Variants in STAB2 observed in about 807,000 individuals in gnomAD.
STAB2 encodes stabilin-2.
A neutral mutation model predicts 338.1 loss-of-function variants in STAB2; 288 were observed. The observed-to-expected ratio is 0.85, with a 90% CI of 0.77 to 0.94. The LOEUF (loss-of-function observed/expected upper bound fraction) is 0.94. Among genes scored for constraint, STAB2 ranks in the 40% least tolerant of loss-of-function variants. The pLI is 0.00. For synonymous variants in STAB2, 1,202 were observed against 1,193.3 expected, an observed-to-expected ratio of 1.01 and a Z score of -0.15; for missense variants, 3,141 against 3,210.1, an observed-to-expected ratio of 0.98 and a Z score of 0.52.
intron 5 of STAB2, among the ~76,000 whole-genome samples, chr12:103,625,768 T>C (rs1957371839): frequency 1.3e-5 from 2 of 152,208 alleles, no homozygotes; most frequent in African/African-American, 4.8e-5. Context: ...TTGTTGGACA[T>C]TTGGGTTGGT....
At position 103,742,557 on chromosome 12, in the gene STAB2, A is replaced by C. The variant is rs1473989029; in HGVS notation, c.6031+3A>C. 1 of 1,614,022 alleles carries C rather than the reference A, an allele frequency of 6.2e-7. No homozygotes were observed. Among genetic ancestry groups the C allele is most frequent in the Non-Finnish European group, 8.5e-7 (1 of 1,179,994 alleles). ...GAGATTCGGGCCTGATTGTCTGCGTATGTGGCGCCGCTTCTCCGTGCTAGA... is the reference window on the plus strand; with the variant it reads ...GAGATTCGGGCCTGATTGTCTGCGTCTGTGGCGCCGCTTCTCCGTGCTAGA... On this transcript the variant is annotated splice_donor_region_variant and intron_variant, in intron 56 of 68. Transcript: ENST00000388887.
At chr12:103,699,033 G>A in intron 33 of STAB2, 63 bp from the exon 34 acceptor site, 3 of 1,551,520 alleles carry the variant, frequency 1.9e-6, no homozygotes, top group Non-Finnish European at 2.6e-6. Flanking sequence ...ACAGCACATG[G>A]GAGAAGCTGG....
chr12:103,646,401 T>G (rs1000131443), intron 9 of STAB2, among the ~76,000 whole-genome samples: 2 of 152,224 alleles, frequency 1.3e-5, no homozygotes, highest in Admixed American at 6.5e-5. Context: ...GTTGTCATTA[T>G]AGTCACCTTC....
At chr12:103,729,062 G>C in intron 48 of STAB2, 67 bp downstream of exon 48, 1 of 1,514,502 alleles carries the variant, frequency 6.6e-7, no homozygotes, top group Non-Finnish European at 9.1e-7. Flanking sequence ...CCTGGATGGA[G>C]CTGGAGGCCA....
intron 67 of STAB2, among the ~76,000 whole-genome samples, chr12:103,762,654 C>G (rs1004725320): frequency 2.6e-5 from 4 of 152,180 alleles, no homozygotes; most frequent in African/African-American, 4.8e-5. Flanking sequence ...GAGAACCCAC[C>G]CTGAGCCTCT....
At chr12:103,712,314 G>A (rs1169995340) in intron 40 of STAB2, 53 bp from the exon 41 acceptor site, 6 of 1,351,192 alleles carry the variant, frequency 4.4e-6, no homozygotes, top group Non-Finnish European at 5.3e-6. Flanking sequence ...TGAGTCATGT[G>A]GTGGGAGGTG....
At chr12:103,594,889 G>C (rs1400211614) in intron 3 of STAB2, among the ~76,000 whole-genome samples, 1 of 152,054 alleles carries the variant, frequency 6.6e-6, no homozygotes, top group Non-Finnish European at 1.5e-5. Flanking sequence ...GTTATTGTTT[G>C]GCAACCAAAA....
At chr12:103,702,023 C>G in intron 34 of STAB2, among the ~76,000 whole-genome samples, 1 of 140,654 alleles carries the variant, frequency 7.1e-6, no homozygotes, top group Non-Finnish European at 1.6e-5. Context: ...CACACACACA[C>G]CCCACCCCAA....
chr12:103,703,268 A>G lies in STAB2; in HGVS notation c.3835A>G (p.Ile1279Val). The change falls in exon 35 of 69, where the codon ATT (isoleucine) becomes GTT (valine). Residue 1279 changes from isoleucine (I) to valine (V), a missense_variant. By Grantham distance (29) the Ile-to-Val change is conservative. Transcript: ENST00000388887. The stretch of plus-strand genomic sequence containing the variant: ...CAGATGTGATAATAATGACACTACT[A>G]TTATACGAGTAAGTTCTATGGGCCA... ...KNRCDNNDTTIIRGRCRTCSS... is the reference protein window; with the variant it reads ...KNRCDNNDTTVIRGRCRTCSS... The G allele has an allele frequency of 1.2e-6, 2 of 1,612,842 alleles. No homozygotes were observed. Among genetic ancestry groups the G allele is most frequent in the Admixed American group, 1.7e-5 (1 of 59,992 alleles).
intron 3 of STAB2, among the ~76,000 whole-genome samples, chr12:103,619,995 C>T (rs543639892): frequency 1.3e-5 from 2 of 152,158 alleles, no homozygotes; most frequent in Admixed American, 6.5e-5. Flanking sequence ...GCATCAATAC[C>T]TCCCTTCTCT....
intron 9 of STAB2, among the ~76,000 whole-genome samples, chr12:103,642,048 G>C (rs1408955987): frequency 6.6e-6 from 1 of 152,166 alleles, no homozygotes; most frequent in Non-Finnish European, 1.5e-5. Context: ...GTTGAAACAT[G>C]AACTCTACCA....
intron 22 of STAB2, among the ~76,000 whole-genome samples, chr12:103,673,488 A>G (rs1317482436): frequency 6.6e-6 from 1 of 152,148 alleles, no homozygotes; most frequent in African/African-American, 2.4e-5. Flanking sequence ...AACTGGGACC[A>G]CAAGCACACA....
intron 3 of STAB2, among the ~76,000 whole-genome samples, chr12:103,607,015 A>T (rs1469116273): frequency 3.3e-5 from 5 of 151,860 alleles, no homozygotes; most frequent in Non-Finnish European, 7.4e-5. Context: ...AACAAAAACG[A>T]AAAAAAAGAT....
chr12:103,598,828 A>C (rs994975059), intron 3 of STAB2, among the ~76,000 whole-genome samples: 7 of 152,200 alleles, frequency 4.6e-5, no homozygotes, highest in African/African-American at 1.4e-4. Context: ...TATGCTGCGT[A>C]CAATCAGATA....
chr12:103,603,262 G>A (rs1402508040), intron 3 of STAB2, among the ~76,000 whole-genome samples: 1 of 152,034 alleles, frequency 6.6e-6, no homozygotes, highest in Admixed American at 6.6e-5. Flanking sequence ...AGTAGAGACG[G>A]GGTTTCATCA....
At chr12:103,754,270 C>A (rs1201905399) in intron 61 of STAB2, among the ~76,000 whole-genome samples, 1 of 151,956 alleles carries the variant, frequency 6.6e-6, no homozygotes, top group Non-Finnish European at 1.5e-5. Context: ...TCTGACTTAC[C>A]TGGAATGTTT....
At chr12:103,685,766 C>T (rs186803209) in intron 27 of STAB2, among the ~76,000 whole-genome samples, 16 of 152,224 alleles carry the variant, frequency 1.1e-4, no homozygotes, top group African/African-American at 3.9e-4. Context: ...CAGCATTGCT[C>T]CTACATTTTT....
Position 103,763,994 on chromosome 12 carries a change from T to C in STAB2, c.7605+386T>C, listed in dbSNP as rs1035716461. On this transcript the variant is annotated intron_variant, in intron 68 of 68. Coordinates refer to ENST00000388887, the MANE Select transcript of STAB2 (RefSeq NM_017564.10). ...ATTTTTCCTTTAGATGTCCTTTTTT[T>C]TTTTTCTTTGAGATGGAGTCTCACT... Among the ~76,000 whole-genome samples the C allele has an allele frequency of 3.9e-5, 6 of 152,248 alleles. No individual in the cohort carries two copies. In the East Asian group the frequency reaches 1.2e-3, roughly 29 times the overall value.
chr12:103,715,594 C>G (rs920613979), intron 42 of STAB2, among the ~76,000 whole-genome samples: 1 of 152,202 alleles, frequency 6.6e-6, no homozygotes, highest in Non-Finnish European at 1.5e-5. Flanking sequence ...TAGACAATCC[C>G]TCTGCTGGAA....
Sources: gnomAD v4.1 joint callset for allele counts (sites outside exome capture counted in the v4.1 genomes callset) on GRCh38, gnomAD v4.1.1 for gene constraint, MANE v1.5 for transcripts, NCBI Gene and HGNC (gene_info 2026-07-23, HGNC 2026-07-21) for gene names.